GPC6: variants seen among roughly 807,000 people sequenced by gnomAD.
The protein encoded by GPC6 is glypican-6.
A neutral mutation model predicts 55.2 loss-of-function variants in GPC6; 14 were observed. The ratio of observed to expected loss-of-function variants is 0.25; its 90% confidence interval spans 0.17 to 0.40. GPC6 has a LOEUF of 0.40. GPC6 is among the 10% of genes least tolerant of loss of function. GPC6 has a pLI of 1.00. For missense variants in GPC6, 641 were observed against 708.5 expected, an observed-to-expected ratio of 0.90 and a Z score of 1.08; for synonymous variants, 278 against 259.6, an observed-to-expected ratio of 1.07 and a Z score of -0.68.
At chr13:94,230,796 A>AT (rs1890699299) in intron 4 of GPC6, among the ~76,000 whole-genome samples, 2 of 152,318 alleles carry the variant, frequency 1.3e-5, no homozygotes, top group South Asian at 4.1e-4. Flanking sequence ...TCTTACCATT[A>AT]TTGGAGATGA....
chr13:94,303,765 CAAA>C (rs11300129), intron 5 of GPC6, among the ~76,000 whole-genome samples: 8 of 98,272 alleles, frequency 8.1e-5, no homozygotes, highest in African/African-American at 1.2e-4. Context: ...TAACTCCCTC[CAAA>C]AAAAAAAAAA....
chr13:93,672,249 G>A (rs1010043032), intron 2 of GPC6, among the ~76,000 whole-genome samples: 2 of 147,134 alleles, frequency 1.4e-5, no homozygotes, highest in Non-Finnish European at 3.0e-5. Context: ...GTATATATAT[G>A]TTGAACACAT....
intron 4 of GPC6, among the ~76,000 whole-genome samples, chr13:94,068,738 A>G (rs1425796930): frequency 6.6e-6 from 1 of 152,196 alleles, no homozygotes; most frequent in Non-Finnish European, 1.5e-5. Flanking sequence ...AGAGAAGTCA[A>G]ATCTTAAAGC....
intron 4 of GPC6, among the ~76,000 whole-genome samples, chr13:94,226,274 G>T (rs1249242938): frequency 6.6e-6 from 1 of 152,180 alleles, no homozygotes; most frequent in Non-Finnish European, 1.5e-5. Flanking sequence ...GAGACAAAAA[G>T]AAGTGCTGGG....
intron 3 of GPC6, among the ~76,000 whole-genome samples, chr13:93,846,828 G>C (rs770386209): frequency 1.3e-5 from 2 of 152,082 alleles, no homozygotes; most frequent in Non-Finnish European, 2.9e-5. Flanking sequence ...GCACATTTGG[G>C]GTTGGACTAG....
intron 1 of GPC6, among the ~76,000 whole-genome samples, chr13:93,534,216 A>G (rs918853304): frequency 6.6e-6 from 1 of 152,190 alleles, no homozygotes; most frequent in Admixed American, 6.5e-5. Context: ...TATTTTTCCA[A>G]GGAGGAGTTT....
chr13:93,505,750 G>A (rs1192790003), intron 1 of GPC6, among the ~76,000 whole-genome samples: 4 of 152,160 alleles, frequency 2.6e-5, no homozygotes, highest in Admixed American at 2.0e-4. Context: ...ACAAGGCAAA[G>A]CATTGCTTTG....
intron 1 of GPC6, among the ~76,000 whole-genome samples, chr13:93,466,858 C>A (rs1251436802): frequency 6.6e-6 from 1 of 152,164 alleles, no homozygotes; most frequent in Non-Finnish European, 1.5e-5. Context: ...ACAATCTGTT[C>A]TTCACTATTA....
chr13:94,002,136 G>GAGA (rs1263872689), intron 3 of GPC6, among the ~76,000 whole-genome samples: 1 of 152,050 alleles, frequency 6.6e-6, no homozygotes, highest in African/African-American at 2.4e-5. Context: ...AAGAGGCTTG[G>GAGA]AGAAGATTTA....
At chr13:93,495,751 C>A (rs1880238800) in intron 1 of GPC6, among the ~76,000 whole-genome samples, 1 of 138,152 alleles carries the variant, frequency 7.2e-6, no homozygotes, top group African/African-American at 2.7e-5. Flanking sequence ...CAGACAGGAC[C>A]CTCAGCTGCA....
chr13:93,987,788 C>A (rs967675968), intron 3 of GPC6, among the ~76,000 whole-genome samples: 1 of 152,114 alleles, frequency 6.6e-6, no homozygotes, highest in Admixed American at 6.6e-5. Context: ...TACATTTATT[C>A]TTTGCTTTAT....
At chr13:94,372,127 T>TCTTG (rs1441883655) in intron 6 of GPC6, among the ~76,000 whole-genome samples, 1 of 152,114 alleles carries the variant, frequency 6.6e-6, no homozygotes, top group African/African-American at 2.4e-5. Context: ...TTGCTTACTT[T>TCTTG]CTTGCTTTCT....
At chr13:93,853,154 T>C (rs191778012) in intron 3 of GPC6, among the ~76,000 whole-genome samples, 257 of 151,806 alleles carry the variant, frequency 1.7e-3, no homozygotes, top group Admixed American at 3.8e-3. Context: ...AGCAATACTC[T>C]AATTAAATGG....
At chr13:93,995,174 T>C (rs1881484006) in intron 3 of GPC6, among the ~76,000 whole-genome samples, 1 of 151,172 alleles carries the variant, frequency 6.6e-6, no homozygotes, top group Non-Finnish European at 1.5e-5. Flanking sequence ...TTTTATTTTA[T>C]TTTATTTTAT....
intron 2 of GPC6, among the ~76,000 whole-genome samples, chr13:93,558,870 A>G (rs1875613306): frequency 6.6e-6 from 1 of 152,116 alleles, no homozygotes; most frequent in Non-Finnish European, 1.5e-5. Context: ...TATATCCTTT[A>G]GTGTGTGTGT....
At chr13:93,422,587 G>T (rs376664782) in intron 1 of GPC6, among the ~76,000 whole-genome samples, 1 of 152,142 alleles carries the variant, frequency 6.6e-6, no homozygotes, top group South Asian at 2.1e-4. Flanking sequence ...TTTTCTTTGC[G>T]TATATTATTT....
At chr13:93,523,157 A>T (rs958074988) in intron 1 of GPC6, among the ~76,000 whole-genome samples, 1 of 150,328 alleles carries the variant, frequency 6.7e-6, no homozygotes, top group African/African-American at 2.4e-5. Flanking sequence ...TATTATCCAT[A>T]TATGTACATA....
intron 7 of GPC6, 104 bp downstream of exon 7, chr13:94,382,654 A>T (rs1000192796): frequency 4.8e-6 from 7 of 1,468,416 alleles, no homozygotes; most frequent in Non-Finnish European, 6.6e-6. Flanking sequence ...AAAGCAACAG[A>T]GGGTGGAGGG....
intron 4 of GPC6, among the ~76,000 whole-genome samples, chr13:94,085,451 C>T (rs1471515812): frequency 6.6e-6 from 1 of 151,870 alleles, no homozygotes; most frequent in African/African-American, 2.4e-5. Context: ...GATGACCCAA[C>T]TTGCATTGCC....
Sources: allele counts gnomAD v4.1 joint callset (sites outside exome capture counted in the v4.1 genomes callset), GRCh38; gene constraint gnomAD v4.1.1; transcripts MANE v1.5; gene names NCBI Gene and HGNC (gene_info 2026-07-23, HGNC 2026-07-21).